Variants in BCR observed in about 807,000 individuals in gnomAD.
BCR encodes BCR activator of RhoGEF and GTPase, also known as breakpoint cluster region protein.
A neutral mutation model predicts 138.6 loss-of-function variants in BCR; 58 were observed. The observed-to-expected ratio is 0.42, with a 90% CI of 0.34 to 0.52. The LOEUF is 0.52. Among genes scored for constraint, BCR ranks in the 20% least tolerant of loss-of-function variants. The pLI is 0.06. For missense variants in BCR, 1,599 were observed against 1,727.2 expected (o/e 0.93, Z 1.32); for synonymous variants, 786 against 730.1 (o/e 1.08, Z -1.23).
chr22:23,273,206 AC>A, intron 7 of BCR, 73 bp downstream of exon 7: 3 of 1,512,506 alleles, frequency 2.0e-6, no homozygotes, highest in Non-Finnish European at 2.7e-6. Context: ...ATGTTCTGAG[AC>A]CTTTTTTTAG....
In BCR at chr22:23,273,783, G is replaced by A. The variant is rs2073538794; in HGVS notation, c.2115+9G>A. On this transcript the variant is annotated intron_variant, in intron 8 of 22. Transcript: ENST00000305877. ...CGGTGAAGAAGGGAGAGGTGAGTGT[G>A]GCAGGGGATGGCTTGGGTCCACCCA... 6.2e-7 allele frequency: 1 copy of A among 1,613,744 alleles called. No individual in the cohort carries two copies.
At position 23,309,483 on chromosome 22, in the gene BCR, G is replaced by T. The variant is rs761441813; in HGVS notation, c.3072G>T (p.Gly1024=). 5.8e-5 allele frequency: 92 copies of T among 1,597,112 alleles called. No homozygotes were observed. The highest frequency in any genetic ancestry group is 7.7e-5 in the Non-Finnish European group (90 of 1,171,138). ...AGCGCACCGTCATCGCCATGAATGG[G>T]GTACGTGTCCGTGGGACTCTCCTGG... ...DWQRTVIAMN[G]IEVKLSVKFN... is the part of the protein sequence containing the mutation. The change falls in exon 17 of 23, where the codon GGG becomes GGT. Residue 1024 remains glycine, a splice_region_variant and synonymous_variant. Coordinates refer to ENST00000305877, the MANE Select transcript of BCR (RefSeq NM_004327.4).
At chr22:23,215,211 G>A (rs1025113608) in intron 1 of BCR, among the ~76,000 whole-genome samples, 9 of 152,102 alleles carry the variant, frequency 5.9e-5, no homozygotes, top group African/African-American at 9.7e-5. Context: ...TGTCTGCACC[G>A]CATTTTGCTT....
chr22:23,261,132 C>T (rs975785987), intron 3 of BCR, 78 bp downstream of exon 3: 18 of 1,432,312 alleles, frequency 1.3e-5, no homozygotes, highest in Non-Finnish European at 1.6e-5. Context: ...GCCCTTAAGT[C>T]CCAGGTCAGC....
At chr22:23,207,625 AAAAAC>A (rs1350009220) in intron 1 of BCR, among the ~76,000 whole-genome samples, 2 of 152,164 alleles carry the variant, frequency 1.3e-5, no homozygotes, top group African/African-American at 2.4e-5. Context: ...CCTGTCTCTG[AAAAAC>A]AAAACAAACA....
intron 1 of BCR, among the ~76,000 whole-genome samples, chr22:23,229,700 A>G (rs961057882): frequency 6.6e-5 from 10 of 152,166 alleles, no homozygotes; most frequent in African/African-American, 2.4e-4. Flanking sequence ...ATGAAGATTT[A>G]AAGGATCCCT....
chr22:23,190,545 G>A (rs772838256), intron 1 of BCR, among the ~76,000 whole-genome samples: 1 of 152,228 alleles, frequency 6.6e-6, no homozygotes, highest in Non-Finnish European at 1.5e-5. Context: ...AACTTAATCA[G>A]TTCTTGAAAG....
In BCR at chr22:23,296,989, T is replaced by G. The variant is rs144743480; in HGVS notation, c.3012+1834T>G. Among the ~76,000 whole-genome samples, 8 of 152,286 alleles carry G rather than the reference T, an allele frequency of 5.3e-5. No individual in the cohort carries two copies. In the East Asian group the frequency reaches 1.5e-3, roughly 29 times the overall value. On this transcript the variant is annotated intron_variant, in intron 16 of 22. Transcript: ENST00000305877. ...CAAATGACGGTCATAGTTTGGGTGA[T>G]GGTCACGGCTCAGGTTCTTTTTTAC... is the stretch of plus-strand genomic sequence containing the variant.
intron 1 of BCR, among the ~76,000 whole-genome samples, chr22:23,208,995 T>C (rs1265560018): frequency 2.0e-5 from 3 of 152,226 alleles, no homozygotes; most frequent in African/African-American, 7.2e-5. Context: ...AGCCTTCGTC[T>C]TTTGTTCCTG....
intron 5 of BCR, among the ~76,000 whole-genome samples, chr22:23,271,205 G>A (rs77314760): frequency 0.027 from 4,052 of 152,334 alleles, 77 homozygotes; most frequent in African/African-American, 0.031. Context: ...GAAGGCAGAC[G>A]TGCTCCTGTA....
chr22:23,222,506 G>A (rs1418839907), intron 1 of BCR, among the ~76,000 whole-genome samples: 1 of 152,248 alleles, frequency 6.6e-6, no homozygotes, highest in Non-Finnish European at 1.5e-5. Context: ...AGCAGGGGAA[G>A]TGGTTCCCGA....
intron 1 of BCR, among the ~76,000 whole-genome samples, chr22:23,208,993 T>A (rs1442787856): frequency 6.6e-6 from 1 of 152,238 alleles, no homozygotes; most frequent in Admixed American, 6.5e-5. Context: ...ATAGCCTTCG[T>A]CTTTTGTTCC....
At chr22:23,213,435 C>A (rs567697807) in intron 1 of BCR, among the ~76,000 whole-genome samples, 1 of 152,168 alleles carries the variant, frequency 6.6e-6, no homozygotes, top group African/African-American at 2.4e-5. Context: ...TCCGGAGGGA[C>A]GCTGAGCCAG....
At chr22:23,273,231 A>T in intron 7 of BCR, 98 bp downstream of exon 7, 2 of 1,360,090 alleles carry the variant, frequency 1.5e-6, no homozygotes, top group Non-Finnish European at 2.0e-6. Context: ...TCATAGCTGC[A>T]GCCAAGGGGG....
intron 1 of BCR, among the ~76,000 whole-genome samples, chr22:23,205,312 CACGCTTTCCT>C (rs1351765597): frequency 6.6e-6 from 1 of 152,174 alleles, no homozygotes; most frequent in Non-Finnish European, 1.5e-5. Flanking sequence ...CAGTGGAAGC[CACGCTTTCCT>C]TCAGAATATT....
chr22:23,195,178 T>C (rs2072463018), intron 1 of BCR, among the ~76,000 whole-genome samples: 1 of 151,736 alleles, frequency 6.6e-6, no homozygotes, highest in African/African-American at 2.4e-5. Flanking sequence ...CCTAGCACTT[T>C]GGGAGGCCGA....
At chr22:23,270,743 C>T (rs1486016394) in intron 5 of BCR, among the ~76,000 whole-genome samples, 1 of 152,206 alleles carries the variant, frequency 6.6e-6, no homozygotes, top group Non-Finnish European at 1.5e-5. Context: ...AAGCTTAGTA[C>T]CAGGAATTAA....
intron 4 of BCR, chr22:23,263,206 C>G: frequency 1.1e-6 from 1 of 929,556 alleles, no homozygotes; most frequent in Non-Finnish European, 1.6e-6. Flanking sequence ...GCTGCGGGGC[C>G]AGCGCTCTGG....
intron 2 of BCR, among the ~76,000 whole-genome samples, chr22:23,260,584 C>G (rs1185891504): frequency 1.3e-5 from 2 of 152,214 alleles, no homozygotes; most frequent in Non-Finnish European, 2.9e-5. Context: ...CTGACGCCCC[C>G]TCAGGTCAGA....
Sources: allele counts gnomAD v4.1 joint callset (sites outside exome capture counted in the v4.1 genomes callset), GRCh38; gene constraint gnomAD v4.1.1; transcripts MANE v1.5; gene names NCBI Gene and HGNC (gene_info 2026-07-23, HGNC 2026-07-21).